The following LDB2 variants were observed in gnomAD, a reference collection of about 807,000 sequenced individuals.
LDB2 encodes the protein LIM domain binding 2.
A neutral mutation model predicts 44.3 loss-of-function variants in LDB2; 12 were observed. The observed-to-expected ratio is 0.27, with a 90% CI of 0.17 to 0.44. The LOEUF is 0.44. Ranked by LOEUF, LDB2 falls within the 20% of genes least tolerant of loss-of-function variation. The pLI, the probability that LDB2 is intolerant of heterozygous loss-of-function variation, is 1.00. For synonymous variants in LDB2, 164 were observed against 174.8 expected, an observed-to-expected ratio of 0.94 and a Z score of 0.49; for missense variants, 344 against 473.5, an observed-to-expected ratio of 0.73 and a Z score of 2.54.
At chr4:16,663,012 G>C (rs1163176501) in intron 2 of LDB2, among the ~76,000 whole-genome samples, 12 of 151,964 alleles carry the variant, frequency 7.9e-5, no homozygotes, top group Non-Finnish European at 1.5e-5. Flanking sequence ...TCAGGATCCT[G>C]AAAGAATCAT....
intron 7 of LDB2, chr4:16,507,159 C>G (rs1197915760): frequency 1.3e-5 from 2 of 152,144 alleles, no homozygotes; most frequent in Non-Finnish European, 2.9e-5. Context: ...AGTGGAGGAC[C>G]ACCTGGAGAC....
intron 2 of LDB2, chr4:16,752,415 A>G: frequency 2.2e-6 from 1 of 453,620 alleles, no homozygotes; most frequent in South Asian, 1.6e-5. Flanking sequence ...ACCATTTTCC[A>G]TTAATATTCA....
intron 1 of LDB2, among the ~76,000 whole-genome samples, chr4:16,787,102 G>GT (rs1214080336): frequency 1.1e-4 from 17 of 152,116 alleles, no homozygotes; most frequent in South Asian, 6.2e-4. Context: ...GTTTTGTTTT[G>GT]TTTTTTTGGC....
intron 2 of LDB2, among the ~76,000 whole-genome samples, chr4:16,599,400 C>T (rs1349900239): frequency 6.6e-6 from 1 of 152,118 alleles, no homozygotes; most frequent in East Asian, 1.9e-4. Context: ...TTCTGCCTCC[C>T]TCTTGACTTT....
intron 2 of LDB2, among the ~76,000 whole-genome samples, chr4:16,756,512 AC>A (rs1310546368): frequency 6.6e-6 from 1 of 152,196 alleles, no homozygotes; most frequent in Non-Finnish European, 1.5e-5. Context: ...CCAGTGGACC[AC>A]TGTGAGTTAA....
chr4:16,881,705 TCAGA>T (rs1277045386), intron 1 of LDB2, among the ~76,000 whole-genome samples: 1 of 150,492 alleles, frequency 6.6e-6, no homozygotes, highest in African/African-American at 2.4e-5. Flanking sequence ...CACCCTCTAC[TCAGA>T]CAATTTCTCA....
chr4:16,651,652 G>A (rs2152525226), intron 2 of LDB2, among the ~76,000 whole-genome samples: 1 of 151,948 alleles, frequency 6.6e-6, no homozygotes, highest in Middle Eastern at 3.4e-3. Context: ...CCAAATCATG[G>A]TATTTACAAT....
chr4:16,886,218 C>G (rs1014783324), intron 1 of LDB2, among the ~76,000 whole-genome samples: 4 of 151,908 alleles, frequency 2.6e-5, no homozygotes, highest in African/African-American at 9.7e-5. Context: ...GACCTTGTCT[C>G]AAAAACAAAA....
chr4:16,681,761 C>T (rs1023413451), intron 2 of LDB2, among the ~76,000 whole-genome samples: 3 of 150,452 alleles, frequency 2.0e-5, no homozygotes, highest in Non-Finnish European at 3.0e-5. Context: ...TTAGTAGAGA[C>T]GGGGTTTCAC....
intron 2 of LDB2, among the ~76,000 whole-genome samples, chr4:16,721,399 T>A (rs1295291323): frequency 6.6e-6 from 1 of 152,180 alleles, no homozygotes; most frequent in African/African-American, 2.4e-5. Flanking sequence ...CAGGAAGAAG[T>A]AGCTCTTGGC....
At chr4:16,841,943 C>A (rs1322509645) in intron 1 of LDB2, among the ~76,000 whole-genome samples, 2 of 152,164 alleles carry the variant, frequency 1.3e-5, no homozygotes, top group Non-Finnish European at 2.9e-5. Context: ...CAAAGATCCT[C>A]CCCAGTTTCT....
intron 2 of LDB2, among the ~76,000 whole-genome samples, chr4:16,686,847 T>G (rs1312361364): frequency 6.6e-6 from 1 of 152,218 alleles, no homozygotes; most frequent in Non-Finnish European, 1.5e-5. Context: ...TTAATGCATA[T>G]CCTTGCTCTT....
chr4:16,577,638 A>C (rs1483239872), intron 5 of LDB2, among the ~76,000 whole-genome samples: 2 of 152,204 alleles, frequency 1.3e-5, no homozygotes, highest in African/African-American at 2.4e-5. Flanking sequence ...TACAATGTCC[A>C]TACTACCCAA....
chr4:16,758,185 T>A (rs745853863), intron 2 of LDB2, among the ~76,000 whole-genome samples: 5 of 152,142 alleles, frequency 3.3e-5, no homozygotes, highest in Non-Finnish European at 5.9e-5. Context: ...CTCCCCCAAT[T>A]TTTTGTTTAA....
chr4:16,545,936 A>G (rs955001529), intron 5 of LDB2, among the ~76,000 whole-genome samples: 1 of 152,252 alleles, frequency 6.6e-6, no homozygotes, highest in Non-Finnish European at 1.5e-5. Flanking sequence ...GCCGTATGCA[A>G]TTCGAGGTGA....
At chr4:16,852,802 T>C (rs1212665609) in intron 1 of LDB2, among the ~76,000 whole-genome samples, 5 of 152,224 alleles carry the variant, frequency 3.3e-5, no homozygotes, top group Admixed American at 1.3e-4. Context: ...GTCACTAATA[T>C]GTAAATTAAA....
chr4:16,807,340 A>G (rs1447227780), intron 1 of LDB2, among the ~76,000 whole-genome samples: 1 of 152,238 alleles, frequency 6.6e-6, no homozygotes, highest in Non-Finnish European at 1.5e-5. Flanking sequence ...GATAATAACC[A>G]AAGTCATTCT....
chr4:16,715,475 CT>C (rs768071315), intron 2 of LDB2, among the ~76,000 whole-genome samples: 1 of 152,194 alleles, frequency 6.6e-6, no homozygotes, highest in African/African-American at 2.4e-5. Flanking sequence ...AGCAATGACT[CT>C]TCTCTATATT....
intron 1 of LDB2, among the ~76,000 whole-genome samples, chr4:16,880,677 C>T (rs962997847): frequency 3.3e-5 from 5 of 151,936 alleles, no homozygotes; most frequent in African/African-American, 7.3e-5. Context: ...ATAAGCCAGG[C>T]GTCGGATCAC....
Sources: allele counts gnomAD v4.1 joint callset (sites outside exome capture counted in the v4.1 genomes callset), GRCh38; gene constraint gnomAD v4.1.1; transcripts MANE v1.5; gene names NCBI Gene and HGNC (gene_info 2026-07-23, HGNC 2026-07-21).